ZBTB10: variants seen among roughly 807,000 people sequenced by gnomAD.
ZBTB10 encodes zinc finger and BTB domain containing 10, also known as zinc finger and BTB domain-containing protein 10.
ZBTB10 carries 32 observed loss-of-function variants against 76.4 expected under a neutral mutation model. The observed-to-expected ratio is 0.42, with a 90% CI of 0.32 to 0.56. The LOEUF (loss-of-function observed/expected upper bound fraction) is 0.56. Ranked by LOEUF, ZBTB10 falls within the 20% of genes least tolerant of loss-of-function variation. The probability of loss-of-function intolerance (pLI) is 0.14; values close to 1 mark genes in which losing one functional copy is unlikely to be tolerated. For missense variants in ZBTB10, 1,057 were observed against 1,098.5 expected (o/e 0.96, Z 0.53); for synonymous variants, 523 against 432.9 (o/e 1.21, Z -2.58).
chr8:80,504,873 G>A (rs1816011458), intron 2 of ZBTB10, among the ~76,000 whole-genome samples: 1 of 152,190 alleles, frequency 6.6e-6, no homozygotes, highest in African/African-American at 2.4e-5. Context: ...CAGATAACTA[G>A]TGCCTAAATT....
In ZBTB10 at chr8:80,524,986, T is replaced by G. The variant is rs1816528671; in HGVS notation, c.*5458T>G. 1 of 152,040 alleles carries G rather than the reference T, an allele frequency of 6.6e-6. No individual in the cohort carries two copies. The highest frequency in any genetic ancestry group is 2.1e-4 in the South Asian group (1 of 4,830). The allele number at this position is 152,040 out of a possible 1,614,324, so 9.4% of individuals were successfully genotyped here. On this transcript the variant is annotated 3_prime_UTR_variant, in exon 6 of 6. Coordinates refer to ENST00000455036, the MANE Select transcript of ZBTB10 (RefSeq NM_001105539.3). Reference sequence around the variant, plus strand: ...CCTTGTAGTTGCTTTTTATTTTGCTTAGTCAACAAACACTAAAATGATAAA... The same window carrying G: ...CCTTGTAGTTGCTTTTTATTTTGCTGAGTCAACAAACACTAAAATGATAAA...
intron 1 of ZBTB10, among the ~76,000 whole-genome samples, chr8:80,492,122 C>A (rs763638301): frequency 2.6e-5 from 4 of 152,184 alleles, no homozygotes; most frequent in Non-Finnish European, 4.4e-5. Context: ...GAGGAAAAAT[C>A]GATTAGAGTT....
intron 2 of ZBTB10, among the ~76,000 whole-genome samples, chr8:80,503,534 G>A (rs762912609): frequency 1.4e-5 from 2 of 148,098 alleles, no homozygotes; most frequent in African/African-American, 2.5e-5. Context: ...TATGTTTTTT[G>A]AGAGACAGAG....
chr8:80,486,220 T>C, upstream of ZBTB10: 1 of 1,061,406 alleles, frequency 9.4e-7, no homozygotes, highest in Non-Finnish European at 1.1e-6. Context: ...GCACGGTCCG[T>C]TGTTCATTTG....
At chr8:80,494,504 G>T (rs1380112594) in intron 1 of ZBTB10, among the ~76,000 whole-genome samples, 1 of 152,164 alleles carries the variant, frequency 6.6e-6, no homozygotes. Flanking sequence ...CTTTACATCT[G>T]TTTTATCATG....
rs928402922 is a variant in ZBTB10, at chr8:80,525,620, G to A, written c.*6092G>A. On this transcript the variant is annotated 3_prime_UTR_variant, in exon 6 of 6. Transcript: ENST00000455036. ...GAGACTAATGAAGCATACCCAGAGA[G>A]GTTGCTACAGTGACTCCAGTCAGTT... 6.6e-6 allele frequency: 1 copy of A among 152,074 alleles called. No homozygotes were observed. The highest frequency in any genetic ancestry group is 1.5e-5 in the Non-Finnish European group (1 of 67,998). The allele number at this position is 152,074 out of a possible 1,614,324, so 9.4% of individuals were successfully genotyped here. A position where few individuals can be genotyped will look rare whatever the true frequency, so the allele number is the denominator to read the frequency against.
At chr8:80,515,378 C>G (rs1585861454) in intron 3 of ZBTB10, among the ~76,000 whole-genome samples, 1 of 152,220 alleles carries the variant, frequency 6.6e-6, no homozygotes, top group African/African-American at 2.4e-5. Flanking sequence ...TAGTCGTGGG[C>G]TCTGAATTCA....
In ZBTB10 at chr8:80,519,491, A is replaced by G; in HGVS notation, c.2579A>G (p.Asp860Gly). The G allele has an allele frequency of 6.2e-7, 1 of 1,611,808 alleles. No homozygotes were observed. Among genetic ancestry groups the G allele is most frequent in the South Asian group, 1.1e-5 (1 of 90,426 alleles). The change falls in exon 6 of 6, where the codon GAT (aspartate) becomes GGT (glycine). Residue 860 changes from aspartate to glycine, a missense_variant. This residue lies in a region of ZBTB10 where 55 missense variants were observed against 65.5 expected (regional missense o/e 0.84). Transcript: ENST00000455036. ...GATCAGAATGATCCCTCTCGATGGG[A>G]TGAATCAGGAGAAGTTTGTATGTCT... is the stretch of plus-strand genomic sequence containing the variant. ...GEDQNDPSRW[D>G]ESGEVCMSLD...
intron 3 of ZBTB10, among the ~76,000 whole-genome samples, chr8:80,515,243 C>A (rs551060531): frequency 6.6e-6 from 1 of 152,254 alleles, no homozygotes; most frequent in Non-Finnish European, 1.5e-5. Context: ...TACATAAAAA[C>A]TTGACAAAAC....
chr8:80,518,268 T>TA (rs11418364), intron 3 of ZBTB10, 135 bp from the exon 4 acceptor site: 41,518 of 845,516 alleles, frequency 0.049, 2,108 homozygotes, highest in African/African-American at 0.22. Flanking sequence ...TAGACTAAAA[T>TA]ACAGTTTTAT....
intron 1 of ZBTB10, among the ~76,000 whole-genome samples, chr8:80,491,537 T>A (rs1815630914): frequency 6.6e-6 from 1 of 152,246 alleles, no homozygotes; most frequent in Non-Finnish European, 1.5e-5. Flanking sequence ...AATTGGACCT[T>A]GGTTATTGTG....
At chr8:80,486,206 G>T, upstream of ZBTB10, 1 of 1,100,812 alleles carries the variant, frequency 9.1e-7, no homozygotes, top group Non-Finnish European at 1.1e-6. Flanking sequence ...GGTGCATTGT[G>T]GGCGCACGGT....
chr8:80,506,700 C>G (rs1347659360), intron 2 of ZBTB10, among the ~76,000 whole-genome samples: 1 of 152,110 alleles, frequency 6.6e-6, no homozygotes, highest in Non-Finnish European at 1.5e-5. Flanking sequence ...TTATAGGGTG[C>G]TACTCCAGAC....
intron 2 of ZBTB10, among the ~76,000 whole-genome samples, chr8:80,501,290 C>G (rs1815918128): frequency 6.6e-6 from 1 of 152,178 alleles, no homozygotes; most frequent in African/African-American, 2.4e-5. Flanking sequence ...ATATTTCTCT[C>G]CAAAAGTTCC....
In ZBTB10 at chr8:80,486,455, G is replaced by C. The variant is rs1318318597; in HGVS notation, c.-356G>C. ...AGAGGGGGCAGCGGAGGGTCTCCCC[G>C]CACTCCGCTGCTCAACTTCGAAGGC... On this transcript the variant is annotated 5_prime_UTR_variant, in exon 1 of 6. Transcript: ENST00000455036. 1 of 985,010 alleles carries C rather than the reference G, an allele frequency of 1.0e-6. No homozygotes were observed. The highest frequency in any genetic ancestry group is 1.7e-5 in the African/African-American group (1 of 57,252). 61.0% of individuals were successfully genotyped at this position (985,010 alleles called of 1,614,324 possible).
At chr8:80,500,419 T>C in intron 2 of ZBTB10, 37 bp downstream of exon 2, 1 of 1,449,288 alleles carries the variant, frequency 6.9e-7, no homozygotes, top group Non-Finnish European at 9.1e-7. Context: ...TCCTTGTTCA[T>C]CCTAATTCTA....
chr8:80,513,406 G>C (rs557346221), intron 2 of ZBTB10, among the ~76,000 whole-genome samples: 1 of 152,304 alleles, frequency 6.6e-6, no homozygotes, highest in East Asian at 1.9e-4. Flanking sequence ...GCTTCCTAAA[G>C]TGCTGGGATT....
chr8:80,501,911 G>A (rs971589186), intron 2 of ZBTB10, among the ~76,000 whole-genome samples: 1 of 152,172 alleles, frequency 6.6e-6, no homozygotes, highest in African/African-American at 2.4e-5. Context: ...TCTTTGTGCT[G>A]TATGGATTAT....
intron 1 of ZBTB10, among the ~76,000 whole-genome samples, chr8:80,491,255 A>C (rs983300440): frequency 6.6e-6 from 1 of 152,218 alleles, no homozygotes; most frequent in African/African-American, 2.4e-5. Flanking sequence ...ATTGTGTTAC[A>C]GTTGCCTAAA....
Sources: gnomAD v4.1 joint callset for allele counts (sites outside exome capture counted in the v4.1 genomes callset) on GRCh38, gnomAD v4.1.1 for gene constraint, gnomAD v4.1.1 regional missense constraint, MANE v1.5 for transcripts, NCBI Gene and HGNC (gene_info 2026-07-23, HGNC 2026-07-21) for gene names.